PPP1R26: variants seen among roughly 807,000 people sequenced by gnomAD.
PPP1R26 encodes protein phosphatase 1 regulatory subunit 26.
In PPP1R26, 22 loss-of-function variants were observed where a neutral mutation model predicts 67.6. The ratio of observed to expected loss-of-function variants is 0.33; its 90% CI spans 0.23 to 0.46. PPP1R26 has a LOEUF of 0.46. PPP1R26 is among the 20% of genes least tolerant of loss of function. The pLI is 1.00. For missense variants in PPP1R26, 1,602 were observed against 1,651.4 expected, an observed-to-expected ratio of 0.97 and a Z score of 0.52; for synonymous variants, 729 against 717.2, an observed-to-expected ratio of 1.02 and a Z score of -0.26.
Position 135,486,807 on chromosome 9 carries a change from G to C in PPP1R26, c.2297G>C (p.Gly766Ala), listed in dbSNP as rs747712061. 4 of 1,605,030 alleles carry C rather than the reference G, an allele frequency of 2.5e-6. No homozygotes were observed. In the South Asian group the frequency reaches 3.3e-5, roughly 13 times the overall value. The part of the protein sequence containing the change: ...KSKRDSGEGP[G>A]KKPPSVFGST... ...AAGAGAGACAGTGGCGAGGGTCCTGGGAAGAAACCCCCCAGTGTCTTTGGC... is the reference window on the plus strand; with the variant it reads ...AAGAGAGACAGTGGCGAGGGTCCTGCGAAGAAACCCCCCAGTGTCTTTGGC... The change falls in exon 4 of 4, where the codon GGG becomes GCG. Residue 766 changes from glycine (G) to alanine (A), a missense_variant. Gly to Ala is a moderately conservative substitution (Grantham distance 60). Around this residue, in one of 5 missense-constraint regions of PPP1R26, gnomAD observed 740 missense variants for 696.3 expected, o/e 1.06. Coordinates refer to ENST00000356818, the MANE Select transcript of PPP1R26 (RefSeq NM_014811.5). This position sits in a 1 kb window ranked among gnomAD's most constrained non-coding sequence, Gnocchi z 6.2.
In PPP1R26 at chr9:135,485,827, G is replaced by A. The variant is rs1230249911; in HGVS notation, c.1317G>A (p.Gly439=). 6.2e-7 allele frequency: 1 copy of A among 1,612,954 alleles called. No homozygotes were observed. The highest frequency in any genetic ancestry group is 8.5e-7 in the Non-Finnish European group (1 of 1,179,950). The change falls in exon 4 of 4, where the codon GGG becomes GGA. Residue 439 remains glycine (G), a synonymous_variant. Coordinates refer to ENST00000356818, the MANE Select transcript of PPP1R26 (RefSeq NM_014811.5). This position sits in a 1 kb window ranked among gnomAD's most constrained non-coding sequence, Gnocchi z 7.2. Reference sequence around the variant, plus strand: ...CCAAGACCATGGACCCTGGTCCAGGGGGCCTGGACACTGACCATGCCCCCA... The same window carrying A: ...CCAAGACCATGGACCCTGGTCCAGGAGGCCTGGACACTGACCATGCCCCCA... ...VATKTMDPGP[G]GLDTDHAPKL...
At chr9:135,482,853 T>TA in intron 2 of PPP1R26, 38 bp downstream of exon 2, 1 of 398,404 alleles carries the variant, frequency 2.5e-6, no homozygotes, top group East Asian at 3.6e-5. Context: ...GTTTCCCTTG[T>TA]AGGGCACAAA....
intron 2 of PPP1R26, among the ~76,000 whole-genome samples, 172 bp downstream of exon 2, chr9:135,482,987 C>CTTTTTTTTTT (rs57608324): frequency 3.6e-5 from 4 of 112,058 alleles, no homozygotes; most frequent in Admixed American, 1.1e-4. Context: ...TTCTTTCTTT[C>CTTTTTTTTTT]TTTTTTTTTT....
chr9:135,485,689 A>G lies in PPP1R26; in HGVS notation c.1179A>G (p.Gln393=), dbSNP rs1163461540. Residue 393 remains glutamine (Q), a synonymous_variant, in exon 4 of 4, where the codon CAA becomes CAG. Coordinates refer to ENST00000356818, the MANE Select transcript of PPP1R26 (RefSeq NM_014811.5). This position sits in a 1 kb window ranked among gnomAD's most constrained non-coding sequence, Gnocchi z 7.2. ...ACGGGGACCTGCCCCAGAGGGTCCA[A>G]CTCCGAGAGGAGAGAGCGCCTGACC... ...EADGDLPQRV[Q]LREERAPDPP... is the part of the protein sequence containing the mutation. 6 of 1,610,884 alleles carry G rather than the reference A, an allele frequency of 3.7e-6. No homozygotes were observed. In the African/African-American group the frequency reaches 4.0e-5, roughly 11 times the overall value.
rs566798940 is a variant in PPP1R26 at position 135,482,464 on chromosome 9, T to C, written c.-328-219T>C. Among the ~76,000 whole-genome samples, 41 of 152,378 alleles carry C rather than the reference T, an allele frequency of 2.7e-4. 1 individual carries two copies. The highest frequency in any genetic ancestry group is 9.6e-4 in the African/African-American group (40 of 41,594). ...TCACTTCAGCCAGCATCAGATCTGCTGTCCAGGATAGCTATACATTACTTG... is the reference window on the plus strand; with the variant it reads ...TCACTTCAGCCAGCATCAGATCTGCCGTCCAGGATAGCTATACATTACTTG... On this transcript the variant is annotated intron_variant, in intron 1 of 3. Transcript: ENST00000356818.
intron 2 of PPP1R26, 70 bp downstream of exon 2, chr9:135,482,885 C>T (rs985958720): frequency 5.1e-6 from 2 of 393,398 alleles, no homozygotes; most frequent in Non-Finnish European, 8.9e-6. Flanking sequence ...AAATGACTTA[C>T]TTCTGAATCT....
intron 2 of PPP1R26, among the ~76,000 whole-genome samples, chr9:135,483,151 G>A (rs751140840): frequency 3.3e-5 from 5 of 151,804 alleles, no homozygotes; most frequent in Non-Finnish European, 5.9e-5. Flanking sequence ...CACCATGCCC[G>A]GCTAATTTTT....
rs1360229729 is a variant in PPP1R26 at position 135,482,983 on chromosome 9, C to CTTTTTTTTTTT, written c.-196+171_-196+172insTTTTTTTTTTT. Among the ~76,000 whole-genome samples, 28 of 125,740 alleles carry CTTTTTTTTTTT rather than the reference C, an allele frequency of 2.2e-4. 1 individual carries two copies. The highest frequency in any genetic ancestry group is 6.5e-4 in the East Asian group (2 of 3,064). The allele number at this position is 125,740 out of a possible 152,430, so 82.5% of individuals were successfully genotyped here. ...GCTCACCTTTTGTTTCTTTTTCTTT[C>CTTTTTTTTTTT]TTTCTTTTTTTTTTTTTTTTTTTTG... is the stretch of plus-strand genomic sequence containing the variant. On this transcript the variant is annotated intron_variant, in intron 2 of 3. Transcript: ENST00000356818.
intron 2 of PPP1R26, 87 bp downstream of exon 2, chr9:135,482,902 C>T (rs1487332161): frequency 1.5e-5 from 6 of 396,462 alleles, no homozygotes; most frequent in East Asian, 1.4e-4. Context: ...ATCTGTCTCA[C>T]CCCCTGGTTA....
In PPP1R26 at chr9:135,484,055, T is replaced by C; in HGVS notation, c.-90T>C. ...CAAAGAAGCATTTGCAGACGTTGTC[T>C]CATGGGTACCGCTTGCCAACTTTGG... On this transcript the variant is annotated 5_prime_UTR_variant, in exon 3 of 4. Coordinates refer to ENST00000356818, the MANE Select transcript of PPP1R26 (RefSeq NM_014811.5). The C allele has an allele frequency of 2.5e-6, 1 of 405,214 alleles. No homozygotes were observed. The highest frequency in any genetic ancestry group is 4.3e-6 in the Non-Finnish European group (1 of 229,892). 25.1% of individuals were successfully genotyped at this position (405,214 alleles called of 1,614,324 possible).
rs1276971526 is a variant in PPP1R26, at chr9:135,487,528, C to T, written c.3018C>T (p.Phe1006=). The T allele has an allele frequency of 4.4e-6, 7 of 1,598,800 alleles. No individual in the cohort carries two copies. Among genetic ancestry groups the T allele is most frequent in the African/African-American group, 1.3e-5 (1 of 74,570 alleles). ...TFHMGCGSPS[F]LTPSPGAERD... ...ACATGGGCTGCGGGAGCCCGAGCTT[C>T]CTGACCCCCAGCCCGGGAGCGGAGA... The change falls in exon 4 of 4, where the codon TTC becomes TTT. Residue 1006 remains phenylalanine (F), a synonymous_variant. Transcript: ENST00000356818.
intron 3 of PPP1R26, among the ~76,000 whole-genome samples, 153 bp downstream of exon 3, chr9:135,484,235 G>A (rs1175667071): frequency 6.6e-6 from 1 of 152,212 alleles, no homozygotes; most frequent in Non-Finnish European, 1.5e-5. Flanking sequence ...CCCCGGGCTG[G>A]AGCAGGTAAA....
chr9:135,487,095 G>C lies in PPP1R26; in HGVS notation c.2585G>C (p.Gly862Ala), dbSNP rs766934869. Residue 862 changes from glycine (G) to alanine (A), a missense_variant, in exon 4 of 4, where the codon GGC (glycine) becomes GCC (alanine). Gly to Ala is a moderately conservative substitution (Grantham distance 60). Coordinates refer to ENST00000356818, the MANE Select transcript of PPP1R26 (RefSeq NM_014811.5). The stretch of plus-strand genomic sequence containing the variant: ...AGCAGTTCAGAAGTTCAGGCAGAGG[G>C]CCCCACCGCTCTTGGGACAGGGGGC... Reference protein sequence around the residue: ...SVSSSEVQAEGPTALGTGGPA... With the variant: ...SVSSSEVQAEAPTALGTGGPA... 5.6e-6 allele frequency: 9 copies of C among 1,611,422 alleles called. No homozygotes were observed. The highest frequency in any genetic ancestry group is 7.6e-6 in the Non-Finnish European group (9 of 1,179,988).
chr9:135,481,663 G>T (rs1359134694), intron 1 of PPP1R26, among the ~76,000 whole-genome samples: 1 of 151,698 alleles, frequency 6.6e-6, no homozygotes. Flanking sequence ...CTGTCTCCTA[G>T]GCTGGAGTGC....
upstream of PPP1R26, chr9:135,479,553 C>CGGGGCGGGGCG (rs1181225363): frequency 8.9e-5 from 13 of 146,286 alleles, no homozygotes; most frequent in Middle Eastern, 3.5e-3. The surrounding 1 kb of genome is among the most constrained non-coding windows in gnomAD (Gnocchi z 5.9). Context: ...CCGAACCGGG[C>CGGGGCGGGGCG]GGGGCGGGGC....
chr9:135,485,245 T>A lies in PPP1R26; in HGVS notation c.735T>A (p.Cys245Ter), dbSNP rs1830670372. The change falls in exon 4 of 4, where the codon TGT becomes TGA. Residue 245 changes from cysteine (C) to a stop codon, truncating the protein, a stop_gained. Coordinates refer to ENST00000356818, the MANE Select transcript of PPP1R26 (RefSeq NM_014811.5). LOFTEE classifies it high-confidence loss of function. This position sits in a 1 kb window ranked among gnomAD's most constrained non-coding sequence, Gnocchi z 7.2. ...NEKRQHETQKCDGSVEKKPDT... is the reference protein window; with the variant it reads ...NEKRQHETQK ...AGAGACAGCATGAGACCCAAAAATGTGATGGGTCAGTGGAGAAGAAACCAG... is the reference window on the plus strand; with the variant it reads ...AGAGACAGCATGAGACCCAAAAATGAGATGGGTCAGTGGAGAAGAAACCAG... The A allele has an allele frequency of 6.2e-7, 1 of 1,612,646 alleles. No homozygotes were observed. Among genetic ancestry groups the A allele is most frequent in the African/African-American group, 1.3e-5 (1 of 74,866 alleles).
At chr9:135,482,075 A>C (rs1002601987) in intron 1 of PPP1R26, among the ~76,000 whole-genome samples, 1 of 152,226 alleles carries the variant, frequency 6.6e-6, no homozygotes, top group Non-Finnish European at 1.5e-5. Flanking sequence ...CGACCTTGTC[A>C]TCTAGTGTAA....
Position 135,486,167 on chromosome 9 carries a change from G to T in PPP1R26, c.1657G>T (p.Ala553Ser), listed in dbSNP as rs1294559082. The T allele has an allele frequency of 6.2e-7, 1 of 1,612,924 alleles. No individual in the cohort carries two copies. Among genetic ancestry groups the T allele is most frequent in the Non-Finnish European group, 8.5e-7 (1 of 1,180,038 alleles). ...ALKAQSGSLL[A>S]RGESCPQAAQ... Reference sequence around the variant, plus strand: ...AAAGGCGCAGTCAGGGAGTTTGCTGGCCAGAGGTGAGAGCTGCCCGCAGGC... The same window carrying T: ...AAAGGCGCAGTCAGGGAGTTTGCTGTCCAGAGGTGAGAGCTGCCCGCAGGC... Residue 553 changes from alanine to serine, a missense_variant, in exon 4 of 4, where the codon GCC becomes TCC. By Grantham distance (99) the Ala-to-Ser change is moderately conservative. Transcript: ENST00000356818. This position sits in a 1 kb window ranked among gnomAD's most constrained non-coding sequence, Gnocchi z 6.2.
chr9:135,479,613 G>T (rs1830437440), upstream of PPP1R26: 1 of 146,146 alleles, frequency 6.8e-6, no homozygotes, highest in South Asian at 2.0e-4. This position sits in a 1 kb window ranked among gnomAD's most constrained non-coding sequence, Gnocchi z 5.9. Context: ...GCGCTCTCGC[G>T]GGCGGGGGTC....
Sources: allele counts gnomAD v4.1 joint callset (sites outside exome capture counted in the v4.1 genomes callset), GRCh38; gene constraint gnomAD v4.1.1; regional missense constraint gnomAD v4.1.1; non-coding constraint Gnocchi (gnomAD v3.1); transcripts MANE v1.5; gene names NCBI Gene and HGNC (gene_info 2026-07-23, HGNC 2026-07-21).